Variants in MGST1 observed in about 807,000 individuals in gnomAD.
MGST1 encodes the protein microsomal glutathione S-transferase 1.
MGST1 carries 5 observed loss-of-function variants against 8.9 expected under a neutral mutation model. The observed-to-expected ratio is 0.56, with a 90% CI of 0.29 to 1.19. The LOEUF is 1.19. Among genes scored for constraint, MGST1 ranks in the 50% most tolerant of loss-of-function variants. The pLI is 0.08. For synonymous variants in MGST1, 54 were observed against 67.8 expected, an observed-to-expected ratio of 0.80 and a Z score of 1.00; for missense variants, 182 against 187.4, an observed-to-expected ratio of 0.97 and a Z score of 0.17.
chr12:16,487,732 C>A (rs534019354), intron 4 of MGST1, among the ~76,000 whole-genome samples: 1 of 152,090 alleles, frequency 6.6e-6, no homozygotes, highest in African/African-American at 2.4e-5. Flanking sequence ...ACTGCAGCCT[C>A]AAACTCCTGG....
chr12:16,497,299 A>G lies in MGST1; in HGVS notation n.483-92229A>G, dbSNP rs1458101432. On this transcript the variant is annotated intron_variant and non_coding_transcript_variant, in intron 4 of 4. Coordinates refer to the MGST1 transcript ENST00000538857. The surrounding 1 kb of genome is among the most constrained non-coding windows in gnomAD (Gnocchi z 4.4). Reference sequence around the variant, plus strand: ...TTGAGAGAAACAGAAGACTCATGGAACAAATAATAGTTCTTTTTAATCATG... The same window carrying G: ...TTGAGAGAAACAGAAGACTCATGGAGCAAATAATAGTTCTTTTTAATCATG... Among the ~76,000 whole-genome samples the G allele has an allele frequency of 6.6e-6, 1 of 152,186 alleles. No individual in the cohort carries two copies. The highest frequency in any genetic ancestry group is 2.4e-5 in the African/African-American group (1 of 41,466).
At position 16,497,866 on chromosome 12, in the gene MGST1, C is replaced by T. The variant is rs965707859; in HGVS notation, n.483-91662C>T. Among the ~76,000 whole-genome samples the T allele has an allele frequency of 2.6e-5, 4 of 152,120 alleles. No individual in the cohort carries two copies. The highest frequency in any genetic ancestry group is 2.1e-4 in the South Asian group (1 of 4,832). The stretch of plus-strand genomic sequence containing the variant: ...TTGGACATCTGTCCCCCAGAAATTC[C>T]GGAGTAGGGCTCAGGAATCTGCATT... On this transcript the variant is annotated intron_variant and non_coding_transcript_variant, in intron 4 of 4. Coordinates refer to the MGST1 transcript ENST00000538857. The surrounding 1 kb of genome is among the most constrained non-coding windows in gnomAD (Gnocchi z 4.4).
intron 4 of MGST1, among the ~76,000 whole-genome samples, chr12:16,511,921 C>T (rs1213199827): frequency 6.6e-6 from 1 of 152,170 alleles, no homozygotes; most frequent in Non-Finnish European, 1.5e-5. Context: ...CTATGAACTG[C>T]AGCCTTCAGG....
intron 1 of MGST1, among the ~76,000 whole-genome samples, chr12:16,407,139 T>C (rs1002356200): frequency 6.6e-6 from 1 of 152,094 alleles, no homozygotes; most frequent in Admixed American, 6.6e-5. Context: ...ACCTACAGAA[T>C]AGGAGAAAAT....
intron 4 of MGST1, among the ~76,000 whole-genome samples, chr12:16,510,614 C>T (rs1941570799): frequency 6.6e-6 from 1 of 152,164 alleles, no homozygotes; most frequent in Non-Finnish European, 1.5e-5. Flanking sequence ...AAACATTTCC[C>T]TGTGAATAGT....
chr12:16,591,262 C>T (rs898963167), downstream of MGST1, among the ~76,000 whole-genome samples: 3 of 151,934 alleles, frequency 2.0e-5, no homozygotes, highest in African/African-American at 7.2e-5. This position sits in a 1 kb window ranked among gnomAD's most constrained non-coding sequence, Gnocchi z 4.1. Context: ...ACCTCAGGGC[C>T]TTTGTACTGG....
At chr12:16,374,444 C>G (rs951150219) in intron 3 of MGST1, among the ~76,000 whole-genome samples, 1 of 151,988 alleles carries the variant, frequency 6.6e-6, no homozygotes, top group African/African-American at 2.4e-5. Flanking sequence ...GCCACACAAA[C>G]AAAATTTAAA....
chr12:16,399,799 G>A (rs1227330207), intron 1 of MGST1: 9 of 1,196,152 alleles, frequency 7.5e-6, no homozygotes, highest in Non-Finnish European at 1.0e-5. Context: ...GGTCAAGAGA[G>A]GCTACAAGAA....
At chr12:16,557,867 A>G (rs1942251683) in intron 4 of MGST1, among the ~76,000 whole-genome samples, 1 of 152,052 alleles carries the variant, frequency 6.6e-6, no homozygotes, top group South Asian at 2.1e-4. Flanking sequence ...GGTGGTGCTG[A>G]AATCTGAATC....
In MGST1 at chr12:16,500,845, C is replaced by G. The variant is rs1359435363; in HGVS notation, n.483-88683C>G. 6.6e-6 allele frequency among the ~76,000 whole-genome samples: 1 copy of G among 152,152 alleles called. No individual in the cohort carries two copies. The highest frequency in any genetic ancestry group is 1.9e-4 in the East Asian group (1 of 5,190). On this transcript the variant is annotated intron_variant and non_coding_transcript_variant, in intron 4 of 4. Transcript: ENST00000538857. This position sits in a 1 kb window ranked among gnomAD's most constrained non-coding sequence, Gnocchi z 4.3. ...TAGAGGTTGGGCGTGGTGGCTCACG[C>G]CTGTAATCCCAGCACTTTGGGAGAC...
chr12:16,499,223 C>T (rs77648823), intron 4 of MGST1, among the ~76,000 whole-genome samples: 2,193 of 152,240 alleles, frequency 0.014, 68 homozygotes, highest in African/African-American at 0.05. Flanking sequence ...TGTTTAACTA[C>T]GTGGGTAAAT....
intron 4 of MGST1, among the ~76,000 whole-genome samples, chr12:16,444,183 G>GTTTTTTTTT (rs1161206533): frequency 1.3e-4 from 17 of 128,440 alleles, no homozygotes; most frequent in Non-Finnish European, 1.7e-4. Context: ...GGCTGATTTG[G>GTTTTTTTTT]TTTTTTTTTT....
At position 16,362,982 on chromosome 12, in the gene MGST1, A is replaced by G. The variant is rs1178515609; in HGVS notation, c.222-813A>G. Reference sequence around the variant, plus strand: ...CAATAATAATAAAAATGTCAAGTCCATAGTAGATGTGTTTTGTATTCGGTC... The same window carrying G: ...CAATAATAATAAAAATGTCAAGTCCGTAGTAGATGTGTTTTGTATTCGGTC... On this transcript the variant is annotated intron_variant, in intron 3 of 3. Transcript: ENST00000396210. This position sits in a 1 kb window ranked among gnomAD's most constrained non-coding sequence, Gnocchi z 4.4. 1.3e-5 allele frequency: 2 copies of G among 152,136 alleles called. No homozygotes were observed. The highest frequency in any genetic ancestry group is 2.9e-5 in the Non-Finnish European group (2 of 68,014). 9.4% of individuals were successfully genotyped at this position (152,136 alleles called of 1,614,324 possible). A position where few individuals can be genotyped will look rare whatever the true frequency, so the allele number is the denominator to read the frequency against.
At chr12:16,577,794 T>C (rs1047157027) in intron 4 of MGST1, among the ~76,000 whole-genome samples, 22 of 152,218 alleles carry the variant, frequency 1.4e-4, no homozygotes, top group African/African-American at 5.3e-4. Flanking sequence ...ATATTCAGGT[T>C]GCCCATGATG....
chr12:16,378,127 C>T (rs1316846066), downstream of MGST1, among the ~76,000 whole-genome samples: 2 of 152,092 alleles, frequency 1.3e-5, no homozygotes, highest in Non-Finnish European at 2.9e-5. Context: ...TTTTCTTTTG[C>T]TGTGCAGAAG....
intron 4 of MGST1, among the ~76,000 whole-genome samples, chr12:16,542,704 G>A (rs375262325): frequency 1.3e-5 from 2 of 152,228 alleles, no homozygotes; most frequent in Non-Finnish European, 2.9e-5. Flanking sequence ...TTACCAAGCC[G>A]TCTTGACTAA....
intron 4 of MGST1, among the ~76,000 whole-genome samples, chr12:16,501,494 G>GA (rs1261999674): frequency 6.6e-6 from 1 of 152,146 alleles, no homozygotes; most frequent in Non-Finnish European, 1.5e-5. Context: ...CTTGAGTAAT[G>GA]AAAACCTATT....
At chr12:16,510,545 CT>C (rs34913809) in intron 4 of MGST1, among the ~76,000 whole-genome samples, 18,321 of 152,150 alleles carry the variant, frequency 0.12, 1,357 homozygotes, top group Non-Finnish European at 0.18. Flanking sequence ...CACCCATTAC[CT>C]TATCAGTATG....
intron 4 of MGST1, among the ~76,000 whole-genome samples, chr12:16,471,319 T>A (rs1941288407): frequency 6.6e-6 from 1 of 151,876 alleles, no homozygotes; most frequent in African/African-American, 2.4e-5. Flanking sequence ...GCACAACCCA[T>A]TTTGCGGGGA....
Sources: allele counts gnomAD v4.1 joint callset (sites outside exome capture counted in the v4.1 genomes callset), GRCh38; gene constraint gnomAD v4.1.1; non-coding constraint Gnocchi (gnomAD v3.1); transcripts MANE v1.5; gene names NCBI Gene and HGNC (gene_info 2026-07-23, HGNC 2026-07-21).